Variants in KCNQ5 observed in about 807,000 individuals in gnomAD.
KCNQ5 encodes the protein potassium voltage-gated channel subfamily Q member 5, also known as potassium voltage-gated channel subfamily KQT member 5.
Under a neutral mutation model 98.2 loss-of-function variants are expected in KCNQ5, and 30 were observed. That is an observed-to-expected ratio of 0.31 (90% CI 0.23 to 0.41). The LOEUF (loss-of-function observed/expected upper bound fraction) is 0.41. KCNQ5 is among the 10% of genes least tolerant of loss of function. KCNQ5 has a pLI of 1.00. For synonymous variants in KCNQ5, 458 were observed against 449.4 expected (o/e 1.02, Z -0.24); for missense variants, 835 against 1,182.5 (o/e 0.71, Z 4.31).
At chr6:72,677,087 C>A (rs1424451106) in intron 1 of KCNQ5, 2 of 151,962 alleles carry the variant, frequency 1.3e-5, no homozygotes, top group African/African-American at 4.8e-5. Context: ...ACCTTGTTTC[C>A]CTCTCAGTGG....
intron 1 of KCNQ5, among the ~76,000 whole-genome samples, chr6:72,623,908 A>G (rs2098916810): frequency 6.6e-6 from 1 of 152,198 alleles, no homozygotes; most frequent in Admixed American, 6.5e-5. Context: ...TTGAAATAAC[A>G]TGGAAGAAGG....
chr6:73,050,675 G>A (rs4706525), intron 3 of KCNQ5, among the ~76,000 whole-genome samples: 104,368 of 152,022 alleles, frequency 0.69, 40,316 homozygotes, highest in Non-Finnish European at 0.88. Flanking sequence ...TCAAAATACA[G>A]AACTTTTCCA....
At chr6:72,785,737 C>A (rs1051718017) in intron 1 of KCNQ5, among the ~76,000 whole-genome samples, 7 of 152,082 alleles carry the variant, frequency 4.6e-5, no homozygotes, top group Admixed American at 4.6e-4. Context: ...GTATTTTTCT[C>A]ATTTTTCCTT....
intron 10 of KCNQ5, among the ~76,000 whole-genome samples, chr6:73,155,924 G>A (rs1004660018): frequency 6.6e-6 from 1 of 152,144 alleles, no homozygotes; most frequent in Non-Finnish European, 1.5e-5. Context: ...ATGCCTTGAG[G>A]ACCTAGTTTG....
chr6:72,752,754 G>C (rs772915425), intron 1 of KCNQ5, among the ~76,000 whole-genome samples: 2 of 152,010 alleles, frequency 1.3e-5, no homozygotes, highest in Non-Finnish European at 2.9e-5. Context: ...TTTTGAAGCT[G>C]TATTTCTGTC....
rs75762968 is a variant in KCNQ5, at chr6:72,994,895, G to C, written c.399-9013G>C. ...TATTTTAGCTTTTATTTATGTACAGGAGTATGATAAATTTTAAAAAATCTT... is the reference window on the plus strand; with the variant it reads ...TATTTTAGCTTTTATTTATGTACAGCAGTATGATAAATTTTAAAAAATCTT... On this transcript the variant is annotated intron_variant, in intron 1 of 13. Transcript: ENST00000370398. Among the ~76,000 whole-genome samples, 497 of 152,038 alleles carry C rather than the reference G, an allele frequency of 3.3e-3. 6 individuals carry two copies. The highest frequency in any genetic ancestry group is 0.012 in the African/African-American group (489 of 41,456).
At chr6:73,013,823 A>C (rs1770192663) in intron 2 of KCNQ5, among the ~76,000 whole-genome samples, 1 of 152,124 alleles carries the variant, frequency 6.6e-6, no homozygotes. Flanking sequence ...TTTGTTCCAT[A>C]TATGCCAAAT....
intron 1 of KCNQ5, among the ~76,000 whole-genome samples, chr6:72,740,557 G>C (rs1397563223): frequency 6.6e-6 from 1 of 152,110 alleles, no homozygotes; most frequent in African/African-American, 2.4e-5. Flanking sequence ...TTTTATGGCA[G>C]GGTTTGTGGA....
chr6:72,747,442 T>A (rs73753893), intron 1 of KCNQ5, among the ~76,000 whole-genome samples: 9,632 of 152,240 alleles, frequency 0.063, 1,002 homozygotes, highest in African/African-American at 0.22. Flanking sequence ...ACTGCCAAAG[T>A]GGCCCATGAC....
rs58798764 is a variant in KCNQ5, at chr6:73,146,626, C to CAAAAAAAAAAAAAA, written c.1468+12999_1468+13012dup. On this transcript the variant is annotated intron_variant, in intron 10 of 13. Coordinates refer to ENST00000370398, the MANE Select transcript of KCNQ5 (RefSeq NM_019842.4). Reference sequence around the variant, plus strand: ...TGGGCAACAGAACAAGTCCCTGTCTCAAAAAAAAAAAAAAAAAAAAAAAAA... The same window carrying CAAAAAAAAAAAAAA: ...TGGGCAACAGAACAAGTCCCTGTCTCAAAAAAAAAAAAAAAAAAAAAAAAAAAAAAAAAAAAAAA... Among the ~76,000 whole-genome samples the CAAAAAAAAAAAAAA allele has an allele frequency of 8.1e-4, 23 of 28,484 alleles. 2 individuals carry two copies. The highest frequency in any genetic ancestry group is 2.2e-3 in the African/African-American group (23 of 10,662). The allele number at this position is 28,484 out of a possible 152,430, so 18.7% of individuals were successfully genotyped here. A position where few individuals can be genotyped will look rare whatever the true frequency, so the allele number is the denominator to read the frequency against.
intron 3 of KCNQ5, among the ~76,000 whole-genome samples, chr6:73,057,333 TG>T (rs1582271698): frequency 5.4e-4 from 4 of 7,436 alleles, no homozygotes; most frequent in Non-Finnish European, 1.2e-3. Flanking sequence ...TGTCATGGGG[TG>T]GGGGGAAGGG....
intron 10 of KCNQ5, among the ~76,000 whole-genome samples, chr6:73,150,592 C>A (rs1351175944): frequency 6.7e-6 from 1 of 149,046 alleles, no homozygotes; most frequent in East Asian, 2.0e-4. Flanking sequence ...ATTTGTTTAA[C>A]CTTTTGTCTA....
intron 1 of KCNQ5, among the ~76,000 whole-genome samples, chr6:72,978,513 A>T (rs192318033): frequency 6.6e-6 from 1 of 152,344 alleles, no homozygotes; most frequent in Non-Finnish European, 1.5e-5. Flanking sequence ...TCTTCAAGAA[A>T]CTCAGACTTC....
chr6:73,154,880 T>C (rs1777298188), intron 10 of KCNQ5, among the ~76,000 whole-genome samples: 1 of 151,830 alleles, frequency 6.6e-6, no homozygotes, highest in Admixed American at 6.6e-5. Context: ...TAGTCACGAA[T>C]GATCACAAAA....
intron 1 of KCNQ5, among the ~76,000 whole-genome samples, chr6:72,841,025 G>A (rs982725577): frequency 1.6e-4 from 24 of 152,054 alleles, no homozygotes; most frequent in African/African-American, 5.1e-4. Context: ...AAGTAACTAC[G>A]GAGCTTTACC....
intron 1 of KCNQ5, among the ~76,000 whole-genome samples, chr6:72,767,728 G>A (rs1026705727): frequency 1.3e-5 from 2 of 151,976 alleles, no homozygotes; most frequent in African/African-American, 2.4e-5. Flanking sequence ...AGTAATACAT[G>A]AAAAGATGTT....
At position 72,714,461 on chromosome 6, in the gene KCNQ5, G is replaced by GA. The variant is rs371071602; in HGVS notation, c.398+91884dup. 2.3e-3 allele frequency among the ~76,000 whole-genome samples: 330 copies of GA among 143,500 alleles called. 2 individuals carry two copies. The highest frequency in any genetic ancestry group is 6.9e-3 in the Middle Eastern group (2 of 288). The allele number at this position is 143,500 out of a possible 152,430, so 94.1% of individuals were successfully genotyped here. On this transcript the variant is annotated intron_variant, in intron 1 of 13. Coordinates refer to ENST00000370398, the MANE Select transcript of KCNQ5 (RefSeq NM_019842.4). ...ATGGAAATGGATCCTCCACTAAACT[G>GA]AAAAAAAAAAGCCTTTATAACACAT...
chr6:73,035,698 G>A (rs1320367325), intron 2 of KCNQ5, among the ~76,000 whole-genome samples: 1 of 152,146 alleles, frequency 6.6e-6, no homozygotes, highest in Non-Finnish European at 1.5e-5. Flanking sequence ...ACAAAACACA[G>A]TGAAAATAGA....
intron 1 of KCNQ5, among the ~76,000 whole-genome samples, chr6:72,935,287 T>C (rs908654221): frequency 3.9e-5 from 6 of 151,976 alleles, no homozygotes; most frequent in Non-Finnish European, 5.9e-5. Context: ...GCCAGGCTGA[T>C]CTCAAACTCC....
Sources: allele counts gnomAD v4.1 joint callset (sites outside exome capture counted in the v4.1 genomes callset), GRCh38; gene constraint gnomAD v4.1.1; transcripts MANE v1.5; gene names NCBI Gene and HGNC (gene_info 2026-07-23, HGNC 2026-07-21).